The following EXO1 variants were observed in gnomAD, a reference collection of about 807,000 sequenced individuals.
EXO1 encodes the protein exonuclease 1.
A neutral mutation model predicts 84.5 loss-of-function variants in EXO1; 69 were observed. The observed-to-expected ratio is 0.82, with a 90% CI of 0.67 to 1.00. The LOEUF is 1.00. Ranked by LOEUF, EXO1 falls within the 50% of genes least tolerant of loss-of-function variation. The pLI, the probability that EXO1 is intolerant of heterozygous loss-of-function variation, is 0.00. For missense variants in EXO1, 1,045 were observed against 1,000.7 expected (o/e 1.04, Z -0.60); for synonymous variants, 373 against 366.1 (o/e 1.02, Z -0.21).
chr1:241,879,144 G>T lies in EXO1; in HGVS notation c.1910G>T (p.Ser637Ile), dbSNP rs775255365. 1 of 1,609,422 alleles carries T rather than the reference G, an allele frequency of 6.2e-7. No individual in the cohort carries two copies. Among genetic ancestry groups the T allele is most frequent in the South Asian group, 1.1e-5 (1 of 91,056 alleles). ...GCATTGCAGCAGTTCCGAAGAAAGA[G>T]CGATTCCCCCACCTCTTTGCCTGAG... ...STALQQFRRKSDSPTSLPENN... is the reference protein window; with the variant it reads ...STALQQFRRKIDSPTSLPENN... The change falls in exon 13 of 16, where the codon AGC (serine) becomes ATC (isoleucine). Residue 637 changes from serine (S) to isoleucine (I), a missense_variant. Transcript: ENST00000366548.
At chr1:241,864,037 G>T (rs755043018) in intron 10 of EXO1, among the ~76,000 whole-genome samples, 1 of 151,722 alleles carries the variant, frequency 6.6e-6, no homozygotes, top group Non-Finnish European at 1.5e-5. Flanking sequence ...GTTTTCTTCC[G>T]CTCTCTGTAA....
intron 7 of EXO1, among the ~76,000 whole-genome samples, chr1:241,857,751 C>G (rs1006768032): frequency 6.6e-6 from 1 of 151,616 alleles, no homozygotes; most frequent in African/African-American, 2.4e-5. Flanking sequence ...CAAAGTAAGC[C>G]CTTAAGGTTG....
intron 6 of EXO1, among the ~76,000 whole-genome samples, chr1:241,856,927 G>T (rs970294850): frequency 1.3e-5 from 2 of 152,260 alleles, no homozygotes; most frequent in South Asian, 2.1e-4. Flanking sequence ...CACCTACTCG[G>T]GAGGCTGAGG....
chr1:241,878,066 T>C (rs1662501723), intron 12 of EXO1, among the ~76,000 whole-genome samples: 1 of 152,200 alleles, frequency 6.6e-6, no homozygotes, highest in Non-Finnish European at 1.5e-5. Context: ...TACAAAGACA[T>C]GGGAAGTACC....
At chr1:241,851,737 T>C (rs1363633636) in intron 4 of EXO1, among the ~76,000 whole-genome samples, 5 of 152,162 alleles carry the variant, frequency 3.3e-5, no homozygotes, top group Non-Finnish European at 7.3e-5. Flanking sequence ...GAAATATTTA[T>C]CTCAGGGAAA....
intron 15 of EXO1, among the ~76,000 whole-genome samples, chr1:241,888,229 G>A (rs1015415536): frequency 1.4e-4 from 21 of 152,024 alleles, no homozygotes; most frequent in African/African-American, 7.2e-5. Context: ...GCAACAGAAC[G>A]AGACCTTGTC....
intron 12 of EXO1, among the ~76,000 whole-genome samples, chr1:241,877,963 A>G (rs985912069): frequency 6.6e-5 from 10 of 152,170 alleles, no homozygotes; most frequent in East Asian, 1.9e-4. Flanking sequence ...AAAATATGAG[A>G]GAATAGTTGT....
chr1:241,848,541 C>A lies in EXO1; in HGVS notation c.-420+188C>A, dbSNP rs908528932. On this transcript the variant is annotated intron_variant, in intron 1 of 15. Coordinates refer to ENST00000366548, the MANE Select transcript of EXO1 (RefSeq NM_130398.4). The surrounding 1 kb of genome is among the most constrained non-coding windows in gnomAD (Gnocchi z 4.2). ...GAGTATGTGTTTTGTTCCGAGGGGA[C>A]GTCTGGCAACCAGAGGTCTGCAGTT... Among the ~76,000 whole-genome samples the A allele has an allele frequency of 6.6e-6, 1 of 152,044 alleles. No individual in the cohort carries two copies. Among genetic ancestry groups the A allele is most frequent in the African/African-American group, 2.4e-5 (1 of 41,402 alleles).
chr1:241,858,470 C>A, intron 7 of EXO1, 36 bp from the exon 8 acceptor site: 1 of 1,388,900 alleles, frequency 7.2e-7, no homozygotes, highest in Non-Finnish European at 1.0e-6. Context: ...CAAAAGTGGC[C>A]CTTCTAGGTA....
chr1:241,875,137 G>T (rs1662318498), intron 12 of EXO1, among the ~76,000 whole-genome samples: 1 of 152,144 alleles, frequency 6.6e-6, no homozygotes, highest in Admixed American at 6.6e-5. Context: ...CCGAGTAGCT[G>T]GGACTACAGG....
intron 8 of EXO1, among the ~76,000 whole-genome samples, chr1:241,859,708 C>T (rs1357114992): frequency 6.6e-6 from 1 of 152,150 alleles, no homozygotes; most frequent in African/African-American, 2.4e-5. Flanking sequence ...GTATCTGCTG[C>T]CTTATTAAGC....
rs1270394614 is a variant in EXO1, at chr1:241,885,471, A to G, written c.2369A>G (p.Lys790Arg). 3.1e-6 allele frequency: 5 copies of G among 1,613,698 alleles called. No homozygotes were observed. Among genetic ancestry groups the G allele is most frequent in the East Asian group, 2.2e-5 (1 of 44,864 alleles). ...NAENKPGLQIKLNELWKNFGF... is the reference protein window; with the variant it reads ...NAENKPGLQIRLNELWKNFGF... ...GAGAACAAGCCGGGGTTACAGATCA[A>G]ACTCAATGAGCTCTGGAAAAACTTT... Residue 790 changes from lysine (K) to arginine (R), a missense_variant, in exon 15 of 16, where the codon AAA (lysine) becomes AGA (arginine). By Grantham distance (26) the Lys-to-Arg change is conservative. Coordinates refer to ENST00000366548, the MANE Select transcript of EXO1 (RefSeq NM_130398.4).
chr1:241,866,727 T>A, intron 10 of EXO1, 103 bp from the exon 11 acceptor site: 2 of 871,218 alleles, frequency 2.3e-6, no homozygotes, highest in Non-Finnish European at 3.8e-6. Context: ...CTATTGTTTT[T>A]AAGGGTAACT....
chr1:241,850,813 A>C (rs1408889907), intron 4 of EXO1, among the ~76,000 whole-genome samples: 3 of 151,042 alleles, frequency 2.0e-5, no homozygotes, highest in African/African-American at 7.3e-5. Flanking sequence ...TGATGGACAA[A>C]GACTATTAAT....
intron 11 of EXO1, among the ~76,000 whole-genome samples, chr1:241,869,331 A>G (rs1465049621): frequency 3.3e-5 from 5 of 152,238 alleles, no homozygotes; most frequent in Non-Finnish European, 7.3e-5. Context: ...AATCTGTAGT[A>G]CAATATTGAA....
At chr1:241,864,352 G>A (rs566774917) in intron 10 of EXO1, among the ~76,000 whole-genome samples, 1 of 152,336 alleles carries the variant, frequency 6.6e-6, no homozygotes, top group South Asian at 2.1e-4. Context: ...GTTGGGGCAG[G>A]CCAGGAAAGG....
intron 8 of EXO1, 71 bp from the exon 9 acceptor site, chr1:241,860,439 TGTAAATC>T: frequency 8.7e-7 from 1 of 1,145,288 alleles, no homozygotes; most frequent in Non-Finnish European, 1.3e-6. Context: ...TCTTTATGAA[TGTAAATC>T]AATCAGCCTT....
In EXO1 at chr1:241,868,326, A is replaced by C. The variant is rs1174815709; in HGVS notation, c.1267+1271A>C. On this transcript the variant is annotated intron_variant, in intron 11 of 15. Transcript: ENST00000366548. ...GGAAGGCAGAGGTTGCAGTGAGCGG[A>C]GATCACGCAGTGCACTCCAGCCTGG... is the stretch of plus-strand genomic sequence containing the variant. Among the ~76,000 whole-genome samples, 3 of 150,216 alleles carry C rather than the reference A, an allele frequency of 2.0e-5. No homozygotes were observed. The South Asian group carries it at 6.4e-4, about 32-fold the overall frequency.
intron 10 of EXO1, among the ~76,000 whole-genome samples, chr1:241,862,096 G>T (rs1028075681): frequency 6.6e-6 from 1 of 151,960 alleles, no homozygotes; most frequent in Non-Finnish European, 1.5e-5. Flanking sequence ...GCACCACCAC[G>T]CCCGGCTAAT....
Sources: gnomAD v4.1 joint callset for allele counts (sites outside exome capture counted in the v4.1 genomes callset) on GRCh38, gnomAD v4.1.1 for gene constraint, Gnocchi (gnomAD v3.1) non-coding constraint, MANE v1.5 for transcripts, NCBI Gene and HGNC (gene_info 2026-07-23, HGNC 2026-07-21) for gene names.